GALNT13: variants seen among roughly 807,000 people sequenced by gnomAD.
GALNT13 encodes the protein UDP-GalNAc:polypeptide N-acetylgalactosaminyltransferase 13.
Under a neutral mutation model 64.2 loss-of-function variants are expected in GALNT13, and 28 were observed. The observed-to-expected ratio is 0.44, with a 90% CI of 0.32 to 0.60. GALNT13 has a LOEUF of 0.60. Ranked by LOEUF, GALNT13 falls within the 20% of genes least tolerant of loss-of-function variation. GALNT13 has a pLI of 0.05. For missense variants in GALNT13, 577 were observed against 669.8 expected, an observed-to-expected ratio of 0.86 and a Z score of 1.53; for synonymous variants, 214 against 224.6, an observed-to-expected ratio of 0.95 and a Z score of 0.42.
the GALNT13 span, among the ~76,000 whole-genome samples, chr2:153,600,877 C>T: frequency 2.3e-4 from 35 of 152,038 alleles, no homozygotes; most frequent in African/African-American, 6.5e-4. Flanking sequence ...CTGTATCTAA[C>T]GCTTAATGGT....
the GALNT13 span, among the ~76,000 whole-genome samples, chr2:153,444,606 A>G: frequency 3.9e-5 from 6 of 152,354 alleles, no homozygotes; most frequent in South Asian, 1.2e-3. Context: ...CCAATGATGT[A>G]CACTGATAGA....
chr2:154,306,819 C>T (rs1370107821), intron 9 of GALNT13, among the ~76,000 whole-genome samples: 1 of 152,078 alleles, frequency 6.6e-6, no homozygotes, highest in Non-Finnish European at 1.5e-5. Flanking sequence ...TTAGGTTTTA[C>T]ATCACAACAG....
chr2:153,691,797 T>C, the GALNT13 span, among the ~76,000 whole-genome samples: 1 of 152,160 alleles, frequency 6.6e-6, no homozygotes, highest in African/African-American at 2.4e-5. Context: ...TATTGAAAAT[T>C]GGCACAGTCA....
intron 4 of GALNT13, among the ~76,000 whole-genome samples, chr2:154,184,891 A>T (rs551923919): frequency 1.3e-5 from 2 of 152,260 alleles, no homozygotes; most frequent in South Asian, 4.1e-4. Context: ...AGTGATTTAT[A>T]TACCACCATT....
the GALNT13 span, among the ~76,000 whole-genome samples, chr2:153,176,980 G>T: frequency 7.2e-5 from 11 of 152,054 alleles, no homozygotes; most frequent in African/African-American, 2.7e-4. Flanking sequence ...AAAGTTGAAA[G>T]AATTTATAAG....
chr2:153,775,660 A>G, the GALNT13 span, among the ~76,000 whole-genome samples: 24 of 152,142 alleles, frequency 1.6e-4, no homozygotes, highest in Non-Finnish European at 2.1e-4. Flanking sequence ...TACTCAGCTT[A>G]TGTAATTTTA....
chr2:154,066,475 A>C lies in GALNT13; in HGVS notation c.143-73862A>C, dbSNP rs570543558. Reference sequence around the variant, plus strand: ...GTGAAAGATAAAAAAAAGGATCCTAAATGCAGCAAGAGAAAAGAGACAAAT... The same window carrying C: ...GTGAAAGATAAAAAAAAGGATCCTACATGCAGCAAGAGAAAAGAGACAAAT... On this transcript the variant is annotated intron_variant, in intron 3 of 12. Transcript: ENST00000392825. 4.1e-5 allele frequency among the ~76,000 whole-genome samples: 6 copies of C among 148,082 alleles called. No homozygotes were observed. In the South Asian group the frequency reaches 1.3e-3, roughly 32 times the overall value.
chr2:153,272,801 A>G, the GALNT13 span, among the ~76,000 whole-genome samples: 28 of 152,220 alleles, frequency 1.8e-4, no homozygotes, highest in Admixed American at 1.6e-3. Context: ...ATTCTGCTCT[A>G]AAGACACATG....
the GALNT13 span, among the ~76,000 whole-genome samples, chr2:153,219,065 A>G: frequency 1.4e-4 from 21 of 152,234 alleles, no homozygotes; most frequent in African/African-American, 4.8e-4. Context: ...TGCACTTTCA[A>G]TCAGACTTCA....
chr2:153,366,488 G>T, the GALNT13 span, among the ~76,000 whole-genome samples: 6 of 151,938 alleles, frequency 3.9e-5, no homozygotes, highest in African/African-American at 1.4e-4. Context: ...AGGAGTGGTG[G>T]GTGGGGAGAG....
the GALNT13 span, among the ~76,000 whole-genome samples, chr2:153,112,394 G>A: frequency 6.6e-6 from 1 of 152,034 alleles, no homozygotes; most frequent in Non-Finnish European, 1.5e-5. Flanking sequence ...GTCTAATCTA[G>A]GTTCAGTATT....
chr2:153,677,393 A>C, the GALNT13 span, among the ~76,000 whole-genome samples: 1 of 151,994 alleles, frequency 6.6e-6, no homozygotes, highest in African/African-American at 2.4e-5. Context: ...AACACTGCTT[A>C]AATAAATCAG....
chr2:153,254,400 A>T, the GALNT13 span, among the ~76,000 whole-genome samples: 5 of 152,134 alleles, frequency 3.3e-5, no homozygotes, highest in Admixed American at 6.6e-5. Context: ...TCAATTTTGT[A>T]GATCCTTTCA....
chr2:153,492,023 TA>T, the GALNT13 span, among the ~76,000 whole-genome samples: 9 of 152,184 alleles, frequency 5.9e-5, no homozygotes, highest in Admixed American at 2.0e-4. Context: ...CAATTCCATT[TA>T]AAAAAATAAA....
chr2:153,666,153 A>C, the GALNT13 span, among the ~76,000 whole-genome samples: 1 of 151,234 alleles, frequency 6.6e-6, no homozygotes, highest in South Asian at 2.1e-4. Flanking sequence ...CACTTCTATA[A>C]CTCCTTTATC....
chr2:153,499,686 G>T, the GALNT13 span, among the ~76,000 whole-genome samples: 1 of 152,254 alleles, frequency 6.6e-6, no homozygotes, highest in African/African-American at 2.4e-5. Context: ...GGGGCAGGGG[G>T]CTGGCATGTA....
chr2:153,345,623 CTTTTCCTTTCTTTTTCTTT>C, the GALNT13 span, among the ~76,000 whole-genome samples: 7 of 147,504 alleles, frequency 4.7e-5, no homozygotes, highest in Non-Finnish European at 7.5e-5. Flanking sequence ...CTTTTCTTTT[CTTTTCCTTTCTTTTTCTTT>C]CTTTCTTTCT....
chr2:153,698,165 A>G, the GALNT13 span, among the ~76,000 whole-genome samples: 1 of 152,178 alleles, frequency 6.6e-6, no homozygotes, highest in African/African-American at 2.4e-5. Context: ...GAGAGATAAC[A>G]CTATGAAGAA....
intron 1 of GALNT13, among the ~76,000 whole-genome samples, chr2:153,899,022 A>G (rs992446007): frequency 2.6e-5 from 4 of 152,200 alleles, no homozygotes; most frequent in African/African-American, 9.6e-5. Context: ...CTAGCCTTAT[A>G]AAAATCTTCA....
Sources: allele counts gnomAD v4.1 joint callset (sites outside exome capture counted in the v4.1 genomes callset), GRCh38; gene constraint gnomAD v4.1.1; transcripts MANE v1.5; gene names NCBI Gene and HGNC (gene_info 2026-07-23, HGNC 2026-07-21).